SCN7A: variants seen among roughly 807,000 people sequenced by gnomAD.
SCN7A encodes sodium channel protein type 7 subunit alpha.
Under a neutral mutation model 155.2 loss-of-function variants are expected in SCN7A, and 138 were observed. The observed-to-expected ratio is 0.89, with a 90% CI of 0.77 to 1.02. SCN7A has a LOEUF of 1.02. Among genes scored for constraint, SCN7A ranks in the 50% least tolerant of loss-of-function variants. SCN7A has a pLI of 0.00. For missense variants in SCN7A, 2,058 were observed against 1,986.6 expected (o/e 1.04, Z -0.68); for synonymous variants, 693 against 649.0 (o/e 1.07, Z -1.03).
At chr2:166,452,751 T>C (rs1244162520) in intron 11 of SCN7A, among the ~76,000 whole-genome samples, 1 of 152,168 alleles carries the variant, frequency 6.6e-6, no homozygotes, top group Non-Finnish European at 1.5e-5. Flanking sequence ...AAGTGGTAAA[T>C]GATGGATTGT....
At chr2:166,467,385 A>G (rs1298849456) in intron 7 of SCN7A, among the ~76,000 whole-genome samples, 1 of 151,440 alleles carries the variant, frequency 6.6e-6, no homozygotes, top group Non-Finnish European at 1.5e-5. Context: ...TTTATACTGA[A>G]TTTTTTTCAT....
chr2:166,458,548 C>G (rs2105469449), intron 10 of SCN7A, among the ~76,000 whole-genome samples: 1 of 152,172 alleles, frequency 6.6e-6, no homozygotes, highest in East Asian at 1.9e-4. Flanking sequence ...ACATTTAGGT[C>G]AATGACCAGC....
intron 20 of SCN7A, among the ~76,000 whole-genome samples, 160 bp downstream of exon 20, chr2:166,421,030 A>T (rs756195318): frequency 2.0e-5 from 3 of 151,994 alleles, no homozygotes; most frequent in Non-Finnish European, 2.9e-5. Flanking sequence ...CTTAATAAAC[A>T]TACCTATTCC....
At position 166,409,675 on chromosome 2, in the gene SCN7A, G is replaced by A; in HGVS notation, c.3972C>T (p.Phe1324=). ...TAAACAAAATCTTACCTGTGATGGA[G>A]AAAATAACCACCATAAAATCAAAAA... The part of the protein sequence containing the change: ...WNIFDFMVVI[F]SITGLCLPMT... Residue 1324 remains phenylalanine, a synonymous_variant, in exon 25 of 26, where the codon TTC becomes TTT. Transcript: ENST00000643258. 6.6e-7 allele frequency: 1 copy of A among 1,511,310 alleles called. No individual in the cohort carries two copies. The highest frequency in any genetic ancestry group is 8.8e-7 in the Non-Finnish European group (1 of 1,132,638). 93.6% of individuals were successfully genotyped at this position (1,511,310 alleles called of 1,614,324 possible). A position where few individuals can be genotyped will look rare whatever the true frequency, so the allele number is the denominator to read the frequency against.
Position 166,474,235 on chromosome 2 carries a change from A to G in SCN7A, c.344T>C (p.Leu115Ser). 1 of 1,481,346 alleles carries G rather than the reference A, an allele frequency of 6.8e-7. No homozygotes were observed. The highest frequency in any genetic ancestry group is 9.1e-7 in the Non-Finnish European group (1 of 1,100,628). 91.8% of individuals were successfully genotyped at this position (1,481,346 alleles called of 1,614,324 possible). Residue 115 changes from leucine to serine, a missense_variant, in exon 4 of 26, where the codon TTG becomes TCG. By Grantham distance (145) the Leu-to-Ser change is moderately radical. Transcript: ENST00000643258. ...NCIRRTTIKVLVHPFFQLFIL... is the reference protein window; with the variant it reads ...NCIRRTTIKVSVHPFFQLFIL... Reference sequence around the variant, plus strand: ...CAACAGAAAAGGATATGGATGTACCAAAACCTTGATAGTTGTTCTTCTAAT... The same window carrying G: ...CAACAGAAAAGGATATGGATGTACCGAAACCTTGATAGTTGTTCTTCTAAT...
At position 166,413,108 on chromosome 2, in the gene SCN7A, C is replaced by A; in HGVS notation, c.3428G>T (p.Gly1143Val). 6.6e-7 allele frequency: 1 copy of A among 1,523,052 alleles called. No individual in the cohort carries two copies. 94.3% of individuals were successfully genotyped at this position (1,523,052 alleles called of 1,614,324 possible). Residue 1143 changes from glycine to valine, a missense_variant, in exon 22 of 26, where the codon GGA becomes GTA. Gly to Val is a moderately radical substitution (Grantham distance 109). Coordinates refer to ENST00000643258, the MANE Select transcript of SCN7A (RefSeq NM_002976.4). Reference sequence around the variant, plus strand: ...TGCTGAATTCATAATAGTGATCCATCCATTAAATGTTGCCTGTAAAAATAA... The same window carrying A: ...TGCTGAATTCATAATAGTGATCCATACATTAAATGTTGCCTGTAAAAATAA... ...LSLLQVATFN[G>V]WITIMNSAID...
chr2:166,492,922 T>C (rs1043842889), intron 1 of SCN7A, among the ~76,000 whole-genome samples: 4 of 152,318 alleles, frequency 2.6e-5, no homozygotes, highest in African/African-American at 7.2e-5. Context: ...TGTACAAAAA[T>C]TGAAATCAAG....
At chr2:166,415,139 A>AGTATCT (rs966027059) in intron 21 of SCN7A, among the ~76,000 whole-genome samples, 4 of 149,200 alleles carry the variant, frequency 2.7e-5, no homozygotes, top group Admixed American at 6.8e-5. Context: ...AGTTTGGGCC[A>AGTATCT]GTATCTGTAT....
At chr2:166,431,189 G>A (rs1701725233) in intron 16 of SCN7A, among the ~76,000 whole-genome samples, 1 of 152,070 alleles carries the variant, frequency 6.6e-6, no homozygotes, top group Admixed American at 6.6e-5. Context: ...CGAAGATTGA[G>A]AAGTGTGCTG....
Position 166,470,599 on chromosome 2 carries a change from C to A in SCN7A, c.664+16G>T. The stretch of plus-strand genomic sequence containing the variant: ...TAAAACAAAATGAAGAAAAGACATT[C>A]AATGCAATTTCTTACCTTGATTTAA... On this transcript the variant is annotated intron_variant, in intron 7 of 25. Transcript: ENST00000643258. 2 of 1,582,356 alleles carry A rather than the reference C, an allele frequency of 1.3e-6. No individual in the cohort carries two copies. The highest frequency in any genetic ancestry group is 2.3e-5 in the South Asian group (2 of 87,744).
At chr2:166,476,384 C>G (rs756726829) in intron 3 of SCN7A, among the ~76,000 whole-genome samples, 1 of 151,984 alleles carries the variant, frequency 6.6e-6, no homozygotes, top group Non-Finnish European at 1.5e-5. Flanking sequence ...ATTACGTTTG[C>G]TATGAAGCTA....
intron 16 of SCN7A, among the ~76,000 whole-genome samples, chr2:166,429,950 T>C (rs559096924): frequency 4.7e-4 from 72 of 152,270 alleles, no homozygotes; most frequent in African/African-American, 1.7e-3. Flanking sequence ...GTGCTAATGA[T>C]ACTCTTTGCC....
At chr2:166,443,379 T>C (rs1035816510) in intron 14 of SCN7A, 124 bp downstream of exon 14, 6 of 756,506 alleles carry the variant, frequency 7.9e-6, no homozygotes, top group Non-Finnish European at 1.3e-5. Context: ...CTTTATATAC[T>C]AATCAATTCA....
intron 1 of SCN7A, among the ~76,000 whole-genome samples, chr2:166,487,992 A>C (rs1703089608): frequency 2.0e-5 from 3 of 152,214 alleles, no homozygotes; most frequent in African/African-American, 7.2e-5. Context: ...AGGTGTAAAA[A>C]CAAAGCAGTG....
chr2:166,467,565 C>G (rs988885627), intron 7 of SCN7A, among the ~76,000 whole-genome samples: 1 of 149,944 alleles, frequency 6.7e-6, no homozygotes, highest in Non-Finnish European at 1.5e-5. Flanking sequence ...TTTGGCAGAG[C>G]CTTAATTTTA....
At chr2:166,474,069 T>C (rs2105504916) in intron 4 of SCN7A, among the ~76,000 whole-genome samples, 157 bp downstream of exon 4, 1 of 147,108 alleles carries the variant, frequency 6.8e-6, no homozygotes, top group African/African-American at 2.5e-5. Flanking sequence ...TATTTTCAAA[T>C]GTGGAACACT....
intron 2 of SCN7A, among the ~76,000 whole-genome samples, chr2:166,485,874 T>C (rs1703035020): frequency 1.3e-5 from 2 of 152,194 alleles, no homozygotes. Flanking sequence ...GAGCCAGGAT[T>C]GTCCTGGAAT....
intron 15 of SCN7A, among the ~76,000 whole-genome samples, chr2:166,440,214 G>C (rs1277397641): frequency 6.6e-6 from 1 of 152,168 alleles, no homozygotes; most frequent in African/African-American, 2.4e-5. Context: ...CTGATGACCA[G>C]GTCATGTCCA....
chr2:166,406,774 T>C (rs1233046956), intron 25 of SCN7A, 128 bp from the exon 26 acceptor site: 2 of 691,424 alleles, frequency 2.9e-6, no homozygotes, highest in Non-Finnish European at 4.8e-6. Context: ...CCTTCCATTT[T>C]ACTAATCATT....
Sources: allele counts gnomAD v4.1 joint callset (sites outside exome capture counted in the v4.1 genomes callset), GRCh38; gene constraint gnomAD v4.1.1; transcripts MANE v1.5; gene names NCBI Gene and HGNC (gene_info 2026-07-23, HGNC 2026-07-21).